The following OR52A5 variants were observed in gnomAD, a reference collection of about 807,000 sequenced individuals.
OR52A5 encodes the protein olfactory receptor family 52 subfamily A member 5.
Under a neutral mutation model 18.2 loss-of-function variants are expected in OR52A5, and 16 were observed. That is an observed-to-expected ratio of 0.88 (90% CI 0.60 to 1.34). The LOEUF is 1.34. Among genes scored for constraint, OR52A5 ranks in the 40% most tolerant of loss-of-function variants. The pLI is 0.00. For missense variants in OR52A5, 418 were observed against 383.0 expected (o/e 1.09, Z -0.76); for synonymous variants, 140 against 137.2 (o/e 1.02, Z -0.14).
In OR52A5 at chr11:5,131,813, A is replaced by C; in HGVS notation, c.830T>G (p.Ile277Ser). The C allele has an allele frequency of 6.2e-7, 1 of 1,613,996 alleles. No individual in the cohort carries two copies. The highest frequency in any genetic ancestry group is 8.5e-7 in the Non-Finnish European group (1 of 1,179,856). ...FGSHIPPYIH[I>S]LLSNLYLLVP... Reference sequence around the variant, plus strand: ...TAACAGGTAAAGATTTGACAAGAGGATATGAATATATGGTGGTATGTGTGA... The same window carrying C: ...TAACAGGTAAAGATTTGACAAGAGGCTATGAATATATGGTGGTATGTGTGA... The change falls in exon 2 of 2, where the codon ATC (isoleucine) becomes AGC (serine). Residue 277 changes from isoleucine to serine, a missense_variant. Coordinates refer to ENST00000307388, the MANE Select transcript of OR52A5 (RefSeq NM_001005160.3).
chr11:5,134,248 A>T (rs1488442037), intron 1 of OR52A5, among the ~76,000 whole-genome samples: 1 of 152,230 alleles, frequency 6.6e-6, no homozygotes, highest in South Asian at 2.1e-4. Flanking sequence ...ATTTAAGTAG[A>T]CTGCAAAATA....
intron 1 of OR52A5, among the ~76,000 whole-genome samples, chr11:5,136,501 T>C (rs1846393623): frequency 6.6e-6 from 1 of 152,220 alleles, no homozygotes; most frequent in African/African-American, 2.4e-5. Context: ...CCTTCAAGCA[T>C]TGCCAAATGT....
rs142969856 is a variant in OR52A5 at position 5,132,066 on chromosome 11, C to T, written c.577G>A (p.Glu193Lys). The stretch of plus-strand genomic sequence containing the variant: ...TATATCTTGTTGACTCGGATATCTT[C>T]AGTAGCCAGCTTCACGATGGCCATG... The part of the protein sequence containing the change: ...EHMAIVKLAT[E>K]DIRVNKIYGL... The change falls in exon 2 of 2, where the codon GAA becomes AAA. Residue 193 changes from glutamate to lysine, a missense_variant. Glu to Lys is a moderately conservative substitution (Grantham distance 56). Transcript: ENST00000307388. 1.5e-5 allele frequency: 24 copies of T among 1,614,176 alleles called. No homozygotes were observed. In the African/African-American group the frequency reaches 3.1e-4, roughly 21 times the overall value.
intron 1 of OR52A5, among the ~76,000 whole-genome samples, chr11:5,135,919 G>T (rs1846388972): frequency 6.6e-6 from 1 of 152,086 alleles, no homozygotes; most frequent in Non-Finnish European, 1.5e-5. Flanking sequence ...CTTATATTTG[G>T]CTCGGAATAA....
At chr11:5,133,852 A>G (rs1405374738) in intron 1 of OR52A5, among the ~76,000 whole-genome samples, 1 of 152,174 alleles carries the variant, frequency 6.6e-6, no homozygotes, top group African/African-American at 2.4e-5. Flanking sequence ...AAGAAATATT[A>G]TAATTTTTTT....
chr11:5,134,822 T>C (rs1846376341), intron 1 of OR52A5, among the ~76,000 whole-genome samples: 1 of 152,044 alleles, frequency 6.6e-6, no homozygotes, highest in Non-Finnish European at 1.5e-5. Context: ...TTTTATGCTG[T>C]ATTTACCCAG....
chr11:5,132,384 A>C lies in OR52A5; in HGVS notation c.259T>G (p.Phe87Val). 4 of 1,614,226 alleles carry C rather than the reference A, an allele frequency of 2.5e-6. No individual in the cohort carries two copies. The highest frequency in any genetic ancestry group is 3.4e-6 in the Non-Finnish European group (4 of 1,180,026). ...TCILPKMLGI[F>V]WFHLPEISFD... The stretch of plus-strand genomic sequence containing the variant: ...GAAATCTCTGGCAAATGAAACCAGA[A>C]GATGCCTAACATTTTGGGAAGAATG... Residue 87 changes from phenylalanine to valine, a missense_variant, in exon 2 of 2, where the codon TTC becomes GTC. Physicochemically the swap from Phe to Val is conservative, Grantham distance 50. Transcript: ENST00000307388.
Position 5,129,267 on chromosome 11 carries a change from G to A in OR52A5, c.*2425C>T, listed in dbSNP as rs1846312964. ...AGCCTGGATCTGTGCTACATGCTTG[G>A]TGAGCCTTTTCTCACATATTCCTCA... On this transcript the variant is annotated 3_prime_UTR_variant, in exon 2 of 2. Coordinates refer to ENST00000307388, the MANE Select transcript of OR52A5 (RefSeq NM_001005160.3). The A allele has an allele frequency of 6.6e-6, 1 of 152,006 alleles. No homozygotes were observed. The highest frequency in any genetic ancestry group is 6.6e-5 in the Admixed American group (1 of 15,254). The allele number at this position is 152,006 out of a possible 1,614,324, so 9.4% of individuals were successfully genotyped here. A position where few individuals can be genotyped will look rare whatever the true frequency, so the allele number is the denominator to read the frequency against.
At chr11:5,134,118 T>C (rs537684396) in intron 1 of OR52A5, among the ~76,000 whole-genome samples, 7 of 152,212 alleles carry the variant, frequency 4.6e-5, no homozygotes, top group Non-Finnish European at 8.8e-5. Context: ...GGGCTTTTTA[T>C]TGTCTGAATT....
intron 1 of OR52A5, among the ~76,000 whole-genome samples, chr11:5,136,399 G>A (rs1336841763): frequency 4.6e-5 from 7 of 152,294 alleles, no homozygotes; most frequent in Middle Eastern, 3.4e-3. Context: ...TGTTGTGGGA[G>A]ATGTCATCTG....
At chr11:5,133,890 C>T (rs942028599) in intron 1 of OR52A5, among the ~76,000 whole-genome samples, 8 of 152,246 alleles carry the variant, frequency 5.3e-5, no homozygotes, top group African/African-American at 1.9e-4. Flanking sequence ...TATATCTATA[C>T]ATCTTCTATC....
intron 1 of OR52A5, among the ~76,000 whole-genome samples, chr11:5,133,268 T>C (rs1846359996): frequency 6.8e-6 from 1 of 146,624 alleles, no homozygotes; most frequent in South Asian, 2.1e-4. Flanking sequence ...CTTGGGAGGC[T>C]GAGGCAGGAG....
chr11:5,137,876 T>C (rs1165271864), intron 1 of OR52A5, among the ~76,000 whole-genome samples: 4 of 152,204 alleles, frequency 2.6e-5, no homozygotes, highest in Non-Finnish European at 5.9e-5. Context: ...TAAACAAAAA[T>C]GTGTTGATTG....
chr11:5,129,913 A>G lies in OR52A5; in HGVS notation c.*1779T>C, dbSNP rs1183067333. 1.3e-5 allele frequency: 2 copies of G among 152,170 alleles called. No individual in the cohort carries two copies. Among genetic ancestry groups the G allele is most frequent in the Non-Finnish European group, 2.9e-5 (2 of 68,016 alleles). The allele number at this position is 152,170 out of a possible 1,614,324, so 9.4% of individuals were successfully genotyped here. A position where few individuals can be genotyped will look rare whatever the true frequency, so the allele number is the denominator to read the frequency against. ...CAACATTGTTTCAGAAACTAGTAAT[A>G]TTATTATGCACTGTAATTGTTCTTT... is the stretch of plus-strand genomic sequence containing the variant. On this transcript the variant is annotated 3_prime_UTR_variant, in exon 2 of 2. Coordinates refer to ENST00000307388, the MANE Select transcript of OR52A5 (RefSeq NM_001005160.3).
At chr11:5,133,849 A>G (rs1846367229) in intron 1 of OR52A5, among the ~76,000 whole-genome samples, 1 of 152,154 alleles carries the variant, frequency 6.6e-6, no homozygotes, top group African/African-American at 2.4e-5. Flanking sequence ...TCTAAGAAAT[A>G]TTATAATTTT....
At position 5,129,538 on chromosome 11, in the gene OR52A5, C is replaced by T. The variant is rs1846315189; in HGVS notation, c.*2154G>A. On this transcript the variant is annotated 3_prime_UTR_variant, in exon 2 of 2. Transcript: ENST00000307388. Reference sequence around the variant, plus strand: ...TCATAGTCAGGGCATATCAGTCTGACTCATATCTCAGCCCTCTAGCTGCTG... The same window carrying T: ...TCATAGTCAGGGCATATCAGTCTGATTCATATCTCAGCCCTCTAGCTGCTG... 1 of 152,082 alleles carries T rather than the reference C, an allele frequency of 6.6e-6. No individual in the cohort carries two copies. Among genetic ancestry groups the T allele is most frequent in the South Asian group, 2.1e-4 (1 of 4,832 alleles). 9.4% of individuals were successfully genotyped at this position (152,082 alleles called of 1,614,324 possible). A position where few individuals can be genotyped will look rare whatever the true frequency, so the allele number is the denominator to read the frequency against.
intron 1 of OR52A5, 108 bp from the exon 2 acceptor site, chr11:5,132,810 A>G (rs1025873687): frequency 6.4e-6 from 3 of 468,742 alleles, no homozygotes; most frequent in Non-Finnish European, 7.4e-6. Flanking sequence ...AATCTTCTCT[A>G]ATTTTCTGTC....
rs1360987629 is a variant in OR52A5, at chr11:5,131,495, A to G, written c.*197T>C. On this transcript the variant is annotated 3_prime_UTR_variant, in exon 2 of 2. Transcript: ENST00000307388. ...ATTTTTATATTGATAAGTATTTCAGATAAAGTAAATAAGACACAGATAAAT... is the reference window on the plus strand; with the variant it reads ...ATTTTTATATTGATAAGTATTTCAGGTAAAGTAAATAAGACACAGATAAAT... The G allele has an allele frequency of 5.0e-6, 2 of 401,452 alleles. No individual in the cohort carries two copies. Among genetic ancestry groups the G allele is most frequent in the African/African-American group, 4.0e-5 (2 of 50,154 alleles). 24.9% of individuals were successfully genotyped at this position (401,452 alleles called of 1,614,324 possible).
chr11:5,135,500 T>C (rs918243563), intron 1 of OR52A5, among the ~76,000 whole-genome samples: 1 of 152,140 alleles, frequency 6.6e-6, no homozygotes, highest in African/African-American at 2.4e-5. Flanking sequence ...CTCTAAAATT[T>C]AACCTGAAAG....
Sources: gnomAD v4.1 joint callset for allele counts (sites outside exome capture counted in the v4.1 genomes callset) on GRCh38, gnomAD v4.1.1 for gene constraint, MANE v1.5 for transcripts, NCBI Gene and HGNC (gene_info 2026-07-23, HGNC 2026-07-21) for gene names.